PCSK6: variants seen among roughly 807,000 people sequenced by gnomAD.
PCSK6 encodes the protein proprotein convertase subtilisin/kexin type 6.
A neutral mutation model predicts 123.3 loss-of-function variants in PCSK6; 85 were observed. The observed-to-expected ratio is 0.69, with a 90% confidence interval of 0.58 to 0.83. The LOEUF (loss-of-function observed/expected upper bound fraction) is 0.83. Among genes scored for constraint, PCSK6 ranks in the 40% least tolerant of loss-of-function variants. The probability of loss-of-function intolerance (pLI) is 0.00; values close to 1 mark genes in which losing one functional copy is unlikely to be tolerated. For synonymous variants in PCSK6, 508 were observed against 516.0 expected, an observed-to-expected ratio of 0.98 and a Z score of 0.21; for missense variants, 1,191 against 1,282.3, an observed-to-expected ratio of 0.93 and a Z score of 1.09.
chr15:101,406,662 T>C (rs2042790511), intron 6 of PCSK6, among the ~76,000 whole-genome samples: 1 of 151,308 alleles, frequency 6.6e-6, no homozygotes. Context: ...GCTTTCAAAT[T>C]GCTAACTATG....
At chr15:101,344,315 CTG>C (rs753841525) in intron 13 of PCSK6, among the ~76,000 whole-genome samples, 3 of 152,158 alleles carry the variant, frequency 2.0e-5, no homozygotes, top group Non-Finnish European at 4.4e-5. Flanking sequence ...TATTTTAAGG[CTG>C]TGTTATAAAT....
At chr15:101,429,860 T>A (rs988473879) in intron 5 of PCSK6, 127 bp downstream of exon 5, 1 of 770,748 alleles carries the variant, frequency 1.3e-6, no homozygotes, top group Middle Eastern at 3.7e-4. Context: ...TGGAGAAGCC[T>A]GCCTCGCGCC....
intron 2 of PCSK6, among the ~76,000 whole-genome samples, chr15:101,436,380 C>T (rs2056601525): frequency 6.6e-6 from 1 of 152,234 alleles, no homozygotes; most frequent in Non-Finnish European, 1.5e-5. Context: ...ACCAGGTTCA[C>T]ACAGGTTCTG....
In PCSK6 at chr15:101,356,215, C is replaced by G. The variant is rs1370785695; in HGVS notation, c.1858+9981G>C. Among the ~76,000 whole-genome samples, 3 of 152,210 alleles carry G rather than the reference C, an allele frequency of 2.0e-5. No individual in the cohort carries two copies. The East Asian group carries it at 5.8e-4, about 29-fold the overall frequency. Reference sequence around the variant, plus strand: ...GCCCCAGCTCTGCCTGCACCGTTGCCAGCTCCGTTCGTAGCCTTGCAGGCT... The same window carrying G: ...GCCCCAGCTCTGCCTGCACCGTTGCGAGCTCCGTTCGTAGCCTTGCAGGCT... On this transcript the variant is annotated intron_variant, in intron 13 of 21. Transcript: ENST00000611716.
At position 101,370,640 on chromosome 15, in the gene PCSK6, G is replaced by A. The variant is rs561668450; in HGVS notation, c.1533-117C>T. Reference sequence around the variant, plus strand: ...CCACTGCAGCCTCAGGGCCCTGCGGGCCCCGGGGAGCCGCAGCAGCCTCTG... The same window carrying A: ...CCACTGCAGCCTCAGGGCCCTGCGGACCCCGGGGAGCCGCAGCAGCCTCTG... On this transcript the variant is annotated intron_variant, in intron 11 of 21. Coordinates refer to ENST00000611716, the MANE Select transcript of PCSK6 (RefSeq NM_002570.5). The A allele has an allele frequency of 1.7e-4, 151 of 900,066 alleles. No homozygotes were observed. In the African/African-American group the frequency reaches 2.3e-3, roughly 14 times the overall value. The allele number at this position is 900,066 out of a possible 1,614,324, so 55.8% of individuals were successfully genotyped here. A position where few individuals can be genotyped will look rare whatever the true frequency, so the allele number is the denominator to read the frequency against.
intron 1 of PCSK6, among the ~76,000 whole-genome samples, chr15:101,468,052 A>C (rs1447138196): frequency 1.3e-5 from 2 of 152,214 alleles, no homozygotes; most frequent in Non-Finnish European, 2.9e-5. Context: ...ATAGATTTTA[A>C]ATGTTAAACA....
At chr15:101,381,774 C>T (rs982805719) in intron 11 of PCSK6, among the ~76,000 whole-genome samples, 3 of 152,212 alleles carry the variant, frequency 2.0e-5, no homozygotes, top group African/African-American at 7.2e-5. Context: ...AGATTCCTGA[C>T]TTGGGCTGAC....
intron 1 of PCSK6, among the ~76,000 whole-genome samples, chr15:101,471,929 T>C (rs2057614870): frequency 6.6e-6 from 1 of 152,234 alleles, no homozygotes; most frequent in African/African-American, 2.4e-5. Context: ...ATGCTGGTTG[T>C]CTGTTCCTTT....
intron 1 of PCSK6, among the ~76,000 whole-genome samples, chr15:101,488,712 G>A (rs1424683869): frequency 6.6e-6 from 1 of 152,078 alleles, no homozygotes; most frequent in African/African-American, 2.4e-5. Flanking sequence ...TCCGCTCCTG[G>A]AGAGGTTTTA....
intron 1 of PCSK6, 147 bp from the exon 2 acceptor site, chr15:101,443,807 T>G: frequency 2.3e-5 from 15 of 648,240 alleles, no homozygotes; most frequent in Non-Finnish European, 3.6e-5. Flanking sequence ...CTCATATCTC[T>G]GGCATGTGTG....
At chr15:101,400,680 C>A (rs1447880643) in intron 6 of PCSK6, among the ~76,000 whole-genome samples, 1 of 152,164 alleles carries the variant, frequency 6.6e-6, no homozygotes, top group Non-Finnish European at 1.5e-5. Context: ...TGGGTGTGCT[C>A]TTTTGATGGA....
At chr15:101,373,693 C>T (rs1482519981) in intron 11 of PCSK6, among the ~76,000 whole-genome samples, 1 of 152,128 alleles carries the variant, frequency 6.6e-6, no homozygotes, top group African/African-American at 2.4e-5. Context: ...TATCAAAAGT[C>T]ATCACTTTAA....
At chr15:101,476,988 C>T (rs2057747908) in intron 1 of PCSK6, among the ~76,000 whole-genome samples, 2 of 152,130 alleles carry the variant, frequency 1.3e-5, no homozygotes, top group African/African-American at 2.4e-5. Context: ...AGCGCAGTGG[C>T]AGAGCCTCTT....
chr15:101,324,849 C>T lies in PCSK6; in HGVS notation c.2377+1G>A. ...CTTGTACCCACAAACAAGCCACTTA[C>T]TTTCATCAGCATAAAATCCTGCAGG... is the stretch of plus-strand genomic sequence containing the variant. On this transcript the variant is annotated splice_donor_variant, in intron 17 of 21. Coordinates refer to ENST00000611716, the MANE Select transcript of PCSK6 (RefSeq NM_002570.5). LOFTEE classifies it high-confidence loss of function. 6.2e-7 allele frequency: 1 copy of T among 1,609,270 alleles called. No homozygotes were observed. Among genetic ancestry groups the T allele is most frequent in the Non-Finnish European group, 8.5e-7 (1 of 1,176,584 alleles).
chr15:101,370,153 A>C (rs938513767), intron 12 of PCSK6, among the ~76,000 whole-genome samples, 182 bp downstream of exon 12: 1 of 152,172 alleles, frequency 6.6e-6, no homozygotes, highest in Non-Finnish European at 1.5e-5. Flanking sequence ...GCAACTTTTA[A>C]GGTTTTTGGG....
chr15:101,362,140 T>C (rs533048209), intron 13 of PCSK6, among the ~76,000 whole-genome samples: 2 of 151,996 alleles, frequency 1.3e-5, no homozygotes, highest in South Asian at 4.1e-4. Context: ...GTATTGTTAG[T>C]AGAGATGGGG....
intron 7 of PCSK6, among the ~76,000 whole-genome samples, chr15:101,396,880 G>T (rs543540506): frequency 7.1e-4 from 108 of 152,282 alleles, no homozygotes; most frequent in African/African-American, 2.5e-3. Context: ...CTCACATTTA[G>T]TGTCTGGGTG....
chr15:101,451,666 G>T (rs1237712937), intron 1 of PCSK6, among the ~76,000 whole-genome samples: 2 of 152,230 alleles, frequency 1.3e-5, no homozygotes, highest in African/African-American at 2.4e-5. Context: ...GGAGCCGCTT[G>T]TCTGTCTTCA....
In PCSK6 at chr15:101,366,338, A is replaced by G; in HGVS notation, c.1722-6T>C. On this transcript the variant is annotated splice_region_variant and splice_polypyrimidine_tract_variant and intron_variant, in intron 12 of 21. Transcript: ENST00000611716. ...CATTGGAAAGATCCAGCAACCTGCA[A>G]TTGGAGGTGTGGTGTCAGAAATGAA... is the stretch of plus-strand genomic sequence containing the variant. 6.2e-7 allele frequency: 1 copy of G among 1,610,276 alleles called. No homozygotes were observed. Among genetic ancestry groups the G allele is most frequent in the Non-Finnish European group, 8.5e-7 (1 of 1,178,346 alleles).
Sources: allele counts gnomAD v4.1 joint callset (sites outside exome capture counted in the v4.1 genomes callset), GRCh38; gene constraint gnomAD v4.1.1; transcripts MANE v1.5; gene names NCBI Gene and HGNC (gene_info 2026-07-23, HGNC 2026-07-21).